The following ADGRG4 variants were observed in gnomAD, a reference collection of about 807,000 sequenced individuals.
ADGRG4 encodes the protein G protein-coupled receptor 112.
A neutral mutation model predicts 126.2 loss-of-function variants in ADGRG4; 122 were observed. That is an observed-to-expected ratio of 0.97 (90% CI 0.83 to 1.12). The LOEUF (loss-of-function observed/expected upper bound fraction) is 1.12. Among genes scored for constraint, ADGRG4 ranks in the 50% most tolerant of loss-of-function variants. The pLI, the probability that ADGRG4 is intolerant of heterozygous loss-of-function variation, is 0.00. For synonymous variants in ADGRG4, 943 were observed against 838.7 expected (o/e 1.12, Z -2.15); for missense variants, 2,481 against 2,251.8 (o/e 1.10, Z -2.06).
At chrX:136,353,316 A>AT (rs5903915) in intron 7 of ADGRG4, 21 bp from the exon 8 acceptor site, 208 of 1,107,582 alleles carry the variant, frequency 1.9e-4, no homozygotes, top group South Asian at 6.5e-4. Flanking sequence ...ACTAAAACTG[A>AT]TTTTTTTTTG....
chrX:136,398,114 C>A, intron 20 of ADGRG4, 112 bp downstream of exon 20: 2 of 671,521 alleles, frequency 3.0e-6, no homozygotes, highest in Non-Finnish European at 4.4e-6. Context: ...AAGTCAGATC[C>A]ATTAGCTTAT....
At chrX:136,396,108 G>A (rs1391639664) in intron 19 of ADGRG4, among the ~76,000 whole-genome samples, 4 of 110,374 alleles carry the variant, frequency 3.6e-5, no homozygotes, top group African/African-American at 1.3e-4. Context: ...TAAGTTGACA[G>A]AAGTAGAATT....
chrX:136,316,148 C>A (rs1452327173), intron 4 of ADGRG4, among the ~76,000 whole-genome samples: 1 of 111,762 alleles, frequency 8.9e-6, no homozygotes, highest in East Asian at 2.8e-4. Context: ...AAGCAGGTTA[C>A]CTCATGGAGA....
In ADGRG4 at chrX:136,330,257, A is replaced by G. The variant is rs143599350; in HGVS notation, c.685+6865A>G. On this transcript the variant is annotated intron_variant, in intron 5 of 25. Transcript: ENST00000394143. ...TTATAACCACACCAACTTCCTTCCCACCCTTTCCCCCTACGCTGCTTCATA... is the reference window on the plus strand; with the variant it reads ...TTATAACCACACCAACTTCCTTCCCGCCCTTTCCCCCTACGCTGCTTCATA... 2.4e-3 allele frequency among the ~76,000 whole-genome samples: 259 copies of G among 109,618 alleles called. 7 individuals carry two copies. The East Asian group carries it at 0.065, about 28-fold the overall frequency.
intron 24 of ADGRG4, among the ~76,000 whole-genome samples, chrX:136,412,834 T>A (rs1322006103): frequency 1.8e-5 from 2 of 112,015 alleles, no homozygotes; most frequent in Non-Finnish European, 3.8e-5. Flanking sequence ...CTGGGGGATG[T>A]AGTGAACTCA....
intron 4 of ADGRG4, among the ~76,000 whole-genome samples, chrX:136,315,286 C>T (rs2074798076): frequency 9.1e-6 from 1 of 110,024 alleles, no homozygotes; most frequent in African/African-American, 3.3e-5. Flanking sequence ...TCTACTCAGA[C>T]AGTCATGGGG....
At chrX:136,361,802 A>G (rs193082036) in intron 12 of ADGRG4, among the ~76,000 whole-genome samples, 1 of 112,240 alleles carries the variant, frequency 8.9e-6, no homozygotes, top group South Asian at 3.7e-4. Context: ...CCATCATCCC[A>G]GAAGAAAATT....
chrX:136,347,525 G>A lies in ADGRG4; in HGVS notation c.3819G>A (p.Glu1273=). The part of the protein sequence containing the change: ...ISLGKTPRTM[E]VTEMSPSKNS... ...TGGGAAAAACCCCTAGAACTATGGA[G>A]GTGACAGAAATGTCCCCATCAAAGA... The change falls in exon 6 of 26, where the codon GAG becomes GAA. Residue 1273 remains glutamate, a synonymous_variant. Coordinates refer to ENST00000394143, the MANE Select transcript of ADGRG4 (RefSeq NM_153834.4). 3 of 1,209,500 alleles carry A rather than the reference G, an allele frequency of 2.5e-6. No homozygotes were observed. The highest frequency in any genetic ancestry group is 3.4e-6 in the Non-Finnish European group (3 of 894,031).
rs760882852 is a variant in ADGRG4, at chrX:136,345,562, T to G, written c.1856T>G (p.Leu619Trp). ...TQNTPTADGH[L>W]LTLMSTRSAS... ...AATACACCTACAGCTGATGGACACT[T>G]GCTTACTTTGATGTCCACTAGATCA... The change falls in exon 6 of 26, where the codon TTG becomes TGG. Residue 619 changes from leucine to tryptophan, a missense_variant. Leu to Trp is a moderately conservative substitution (Grantham distance 61, BLOSUM62 -2). Coordinates refer to ENST00000394143, the MANE Select transcript of ADGRG4 (RefSeq NM_153834.4). The G allele has an allele frequency of 1.3e-5, 16 of 1,209,695 alleles. No individual in the cohort carries two copies. The highest frequency in any genetic ancestry group is 1.7e-5 in the Non-Finnish European group (15 of 894,028).
chrX:136,357,824 C>A, intron 10 of ADGRG4, 68 bp downstream of exon 10: 1 of 769,869 alleles, frequency 1.3e-6, no homozygotes. Context: ...CCATTTAATT[C>A]TGCATGTGCG....
intron 23 of ADGRG4, among the ~76,000 whole-genome samples, chrX:136,410,657 A>G (rs1295865126): frequency 8.9e-6 from 1 of 112,112 alleles, no homozygotes; most frequent in Non-Finnish European, 1.9e-5. Flanking sequence ...ACTATGTTGT[A>G]GATGGATGTG....
At chrX:136,399,433 C>T (rs1268904657) in intron 20 of ADGRG4, among the ~76,000 whole-genome samples, 1 of 110,576 alleles carries the variant, frequency 9.0e-6, no homozygotes, top group East Asian at 2.8e-4. Context: ...AACTTAAGAC[C>T]ATATTTCCAT....
At chrX:136,305,379 T>C (rs2074726781) in intron 3 of ADGRG4, among the ~76,000 whole-genome samples, 2 of 111,607 alleles carry the variant, frequency 1.8e-5, no homozygotes, top group Admixed American at 1.9e-4. Flanking sequence ...TCACAAGCTC[T>C]ATGACTTTGG....
intron 5 of ADGRG4, among the ~76,000 whole-genome samples, chrX:136,333,141 G>T (rs1432581563): frequency 9.0e-6 from 1 of 111,529 alleles, no homozygotes; most frequent in Non-Finnish European, 1.9e-5. Context: ...GCCATATGTA[G>T]AAAGCTGAAA....
At chrX:136,334,001 T>G (rs1320947705) in intron 5 of ADGRG4, among the ~76,000 whole-genome samples, 3 of 111,850 alleles carry the variant, frequency 2.7e-5, no homozygotes, top group Non-Finnish European at 5.6e-5. Context: ...GCTTTGTACT[T>G]TACATTTAAG....
chrX:136,376,164 C>T (rs1055441968), intron 15 of ADGRG4, among the ~76,000 whole-genome samples: 2 of 111,964 alleles, frequency 1.8e-5, no homozygotes, highest in African/African-American at 6.5e-5. Flanking sequence ...GGTGTCCCTT[C>T]TCCACTTTAT....
intron 4 of ADGRG4, among the ~76,000 whole-genome samples, chrX:136,314,550 A>T (rs2074793315): frequency 9.0e-6 from 1 of 111,375 alleles, no homozygotes; most frequent in African/African-American, 3.3e-5. Flanking sequence ...CTCTTTTTTC[A>T]TCCCTTGGGA....
chrX:136,408,269 G>T lies in ADGRG4; in HGVS notation c.8935+2297G>T, dbSNP rs771444628. On this transcript the variant is annotated intron_variant, in intron 23 of 25. Transcript: ENST00000394143. ...GGTAGATGTGCAGGTTTGTTAGCTGGGTATATCATGTCATGTTGAGGCTTG... is the reference window on the plus strand; with the variant it reads ...GGTAGATGTGCAGGTTTGTTAGCTGTGTATATCATGTCATGTTGAGGCTTG... Among the ~76,000 whole-genome samples the T allele has an allele frequency of 2.7e-5, 3 of 111,397 alleles. No individual in the cohort carries two copies. In the Admixed American group the frequency reaches 2.8e-4, roughly 11 times the overall value.
At chrX:136,354,669 G>A (rs748967068) in intron 8 of ADGRG4, among the ~76,000 whole-genome samples, 2 of 111,153 alleles carry the variant, frequency 1.8e-5, no homozygotes, top group Non-Finnish European at 3.8e-5. Flanking sequence ...AAAAGTCCAG[G>A]CCTCCAGAAC....
Sources: allele counts gnomAD v4.1 joint callset (sites outside exome capture counted in the v4.1 genomes callset), GRCh38; gene constraint gnomAD v4.1.1; transcripts MANE v1.5; gene names NCBI Gene and HGNC (gene_info 2026-07-23, HGNC 2026-07-21).